The following COL5A3 variants were observed in gnomAD, a reference collection of about 807,000 sequenced individuals.
The protein encoded by COL5A3 is collagen alpha-3(V) chain.
Under a neutral mutation model 250.0 loss-of-function variants are expected in COL5A3, and 172 were observed. That is an observed-to-expected ratio of 0.69 (90% CI 0.61 to 0.78). The LOEUF (loss-of-function observed/expected upper bound fraction) is 0.78, where lower values mean the gene tolerates loss of function less well. COL5A3 is among the 30% of genes least tolerant of loss of function. The probability of loss-of-function intolerance (pLI) is 0.00; values close to 1 mark genes in which losing one functional copy is unlikely to be tolerated. For missense variants in COL5A3, 2,340 were observed against 2,334.4 expected (o/e 1.00, Z -0.05); for synonymous variants, 937 against 900.4 (o/e 1.04, Z -0.73).
At chr19:9,998,648 T>C (rs1317268560) in intron 8 of COL5A3, among the ~76,000 whole-genome samples, 2 of 152,048 alleles carry the variant, frequency 1.3e-5, no homozygotes, top group Non-Finnish European at 2.9e-5. Context: ...CCTAGGCTTT[T>C]CCTTTCTCCC....
At chr19:9,963,553 G>GT (rs34487347) in intron 64 of COL5A3, among the ~76,000 whole-genome samples, 9,720 of 65,874 alleles carry the variant, frequency 0.15, 1,080 homozygotes, top group African/African-American at 0.26. Context: ...CACCATGCCT[G>GT]TTTTTTTTGG....
chr19:9,986,413 CG>C lies in COL5A3; in HGVS notation c.2253del (p.Gly752GlufsTer63). The C allele has an allele frequency of 6.2e-7, 1 of 1,612,894 alleles. No homozygotes were observed. Among genetic ancestry groups the C allele is most frequent in the Non-Finnish European group, 8.5e-7 (1 of 1,179,884 alleles). ...TCCTCTCCCCGGGGACCTGGAGCTC[CG>C]GGTTTCCCCTGGAAGAAAAAGGAGA... is the stretch of plus-strand genomic sequence containing the variant. Reference protein sequence around the residue: ...DVGLKGDQGKPGAPGPRGEDG... With the variant: ...DVGLKGDQGKXGAPGPRGEDG... On this transcript the variant is annotated frameshift_variant, in exon 30 of 67. Transcript: ENST00000264828. LOFTEE classifies it high-confidence loss of function.
In COL5A3 at chr19:9,979,214, A is replaced by G. The variant is rs1353230108; in HGVS notation, c.2792T>C (p.Leu931Pro). 1.9e-6 allele frequency: 3 copies of G among 1,606,596 alleles called. No individual in the cohort carries two copies. The highest frequency in any genetic ancestry group is 1.7e-6 in the Non-Finnish European group (2 of 1,177,594). ...GGGGCCTGGAGGCCCCCTTTCACCT[A>G]GAGGTCCCACTTCTCCTGTCTTTCC... ...PQGKTGEVGP[L>P]GERGPPGPPG... is the part of the protein sequence containing the mutation. Residue 931 changes from leucine to proline, a missense_variant, in exon 39 of 67, where the codon CTA becomes CCA. By Grantham distance (98) the Leu-to-Pro change is moderately conservative (BLOSUM62 -3). Coordinates refer to ENST00000264828, the MANE Select transcript of COL5A3 (RefSeq NM_015719.4).
intron 54 of COL5A3, among the ~76,000 whole-genome samples, 179 bp downstream of exon 54, chr19:9,970,443 G>GA (rs138591668): frequency 8.0e-4 from 73 of 91,788 alleles, no homozygotes; most frequent in Middle Eastern, 5.7e-3. Context: ...GGGGTCTGTG[G>GA]GTGAGTGGGG....
At chr19:9,977,033 C>G (rs577917044) in intron 44 of COL5A3, among the ~76,000 whole-genome samples, 196 bp downstream of exon 44, 1 of 152,250 alleles carries the variant, frequency 6.6e-6, no homozygotes, top group African/African-American at 2.4e-5. Context: ...CCTATCCTGT[C>G]TGCAGTTGGG....
Position 9,973,612 on chromosome 19 carries a change from C to T in COL5A3, c.3624G>A (p.Gly1208=), listed in dbSNP as rs62638752. ...CTGGAGGCCCTGGGTCTCCAGCGTC[C>T]CCTCGCTCACCCTGCAGGAGGCAAA... ...PGAVGEKGER[G]DAGDPGPPGA... Residue 1208 remains glycine (G), a synonymous_variant, in exon 50 of 67, where the codon GGG becomes GGA. Transcript: ENST00000264828. 1.3e-3 allele frequency: 2,082 copies of T among 1,612,808 alleles called. 21 individuals are homozygous for T. The African/African-American group carries it at 0.024, about 19-fold the overall frequency.
rs764529392 is a variant in COL5A3 at position 10,005,671 on chromosome 19, G to A, written c.481C>T (p.Leu161=). Residue 161 remains leucine, a synonymous_variant, in exon 4 of 67, where the codon CTG becomes TTG. Transcript: ENST00000264828. The part of the protein sequence containing the change: ...AVSIDGEMVT[L]VADCEAQPPV... The stretch of plus-strand genomic sequence containing the variant: ...GGCTGAGCTTCACAGTCAGCTACCA[G>A]GGTCACCATCTCACCATCTATGCTG... 1 of 1,613,790 alleles carries A rather than the reference G, an allele frequency of 6.2e-7. No individual in the cohort carries two copies. Among genetic ancestry groups the A allele is most frequent in the South Asian group, 1.1e-5 (1 of 91,014 alleles).
chr19:9,998,144 A>C lies in COL5A3; in HGVS notation c.1116T>G (p.Ala372=), dbSNP rs750642805. The C allele has an allele frequency of 1.2e-6, 2 of 1,613,510 alleles. No homozygotes were observed. Among genetic ancestry groups the C allele is most frequent in the Non-Finnish European group, 1.7e-6 (2 of 1,179,774 alleles). ...GCTCTCCTTTTGCTCCTTTCTCTCC[A>C]GCACCCTGGGGTGGGGTCAGGGGAG... ...SRTQFQIFPG[A]GEKGAKGEPA... is the part of the protein sequence containing the mutation. The change falls in exon 9 of 67, where the codon GCT becomes GCG. Residue 372 remains alanine (A), a synonymous_variant. Transcript: ENST00000264828.
At chr19:9,977,564 C>T in intron 42 of COL5A3, 30 bp downstream of exon 42, 3 of 1,543,796 alleles carry the variant, frequency 1.9e-6, no homozygotes, top group Non-Finnish European at 2.6e-6. Flanking sequence ...CCTGAGGAGG[C>T]CCTAGGAATG....
intron 6 of COL5A3, among the ~76,000 whole-genome samples, 178 bp downstream of exon 6, chr19:10,003,387 G>A (rs2087391491): frequency 6.6e-6 from 1 of 151,634 alleles, no homozygotes; most frequent in Admixed American, 6.6e-5. Context: ...ACAGTCATCA[G>A]TCAGCTGAGA....
intron 45 of COL5A3, among the ~76,000 whole-genome samples, chr19:9,975,061 CT>C (rs5827078): frequency 0.2 from 24,761 of 126,690 alleles, 1,752 homozygotes; most frequent in South Asian, 0.27. Context: ...CTGTGCCTGG[CT>C]TTTTTTTTTT....
chr19:9,973,454 C>T lies in COL5A3; in HGVS notation c.3666+116G>A, dbSNP rs2086879863. Reference sequence around the variant, plus strand: ...TCCTCAAGGTAATCAGGGACGGCCACAGGACAGGGGTGAGTGGATGATCTT... The same window carrying T: ...TCCTCAAGGTAATCAGGGACGGCCATAGGACAGGGGTGAGTGGATGATCTT... On this transcript the variant is annotated intron_variant, in intron 50 of 66. Coordinates refer to ENST00000264828, the MANE Select transcript of COL5A3 (RefSeq NM_015719.4). The T allele has an allele frequency of 4.7e-6, 5 of 1,065,324 alleles. No homozygotes were observed. The East Asian group carries it at 1.2e-4, about 25-fold the overall frequency. 66.0% of individuals were successfully genotyped at this position (1,065,324 alleles called of 1,614,324 possible).
rs764621810 is a variant in COL5A3 at position 9,966,383 on chromosome 19, C to T, written c.4713G>A (p.Ser1571=). The T allele has an allele frequency of 6.2e-7, 1 of 1,609,540 alleles. No homozygotes were observed. The highest frequency in any genetic ancestry group is 8.5e-7 in the Non-Finnish European group (1 of 1,177,374). ...IDPNQGCARD[S]FRVFCNFTAG... ...CCGTGAAGTTGCAAAAAACCCTGAA[C>T]GAGTCCCGCGCGCAGCCCTGGTTGG... is the stretch of plus-strand genomic sequence containing the variant. The change falls in exon 64 of 67, where the codon TCG becomes TCA. Residue 1571 remains serine, a synonymous_variant. Transcript: ENST00000264828.
rs1030073198 is a variant in COL5A3, at chr19:10,009,931, G to A, written c.88+367C>T. Among the ~76,000 whole-genome samples, 1 of 151,980 alleles carries A rather than the reference G, an allele frequency of 6.6e-6. No homozygotes were observed. The highest frequency in any genetic ancestry group is 1.5e-5 in the Non-Finnish European group (1 of 68,000). ...ATACTCACCTGTCGCAATACACACC[G>A]TCCCAGCACTGCCCTGTCACTCACA... is the stretch of plus-strand genomic sequence containing the variant. On this transcript the variant is annotated intron_variant, in intron 1 of 66. Coordinates refer to ENST00000264828, the MANE Select transcript of COL5A3 (RefSeq NM_015719.4). The surrounding 1 kb of genome is among the most constrained non-coding windows in gnomAD (Gnocchi z 4.4).
Position 9,968,650 on chromosome 19 carries a change from GA to G in COL5A3, c.4206+24del. 1.9e-6 allele frequency: 3 copies of G among 1,607,422 alleles called. No individual in the cohort carries two copies. The highest frequency in any genetic ancestry group is 2.5e-6 in the Non-Finnish European group (3 of 1,176,742). ...GGGAAAGAGGGGAGGAGATGGGGAAGAGAATAATGGAATGATGTCCTTACCT... is the reference window on the plus strand; with the variant it reads ...GGGAAAGAGGGGAGGAGATGGGGAAGGAATAATGGAATGATGTCCTTACCT... On this transcript the variant is annotated intron_variant, in intron 58 of 66. Coordinates refer to ENST00000264828, the MANE Select transcript of COL5A3 (RefSeq NM_015719.4). The surrounding 1 kb of genome is among the most constrained non-coding windows in gnomAD (Gnocchi z 4.1).
chr19:9,979,511 C>G (rs981242009), intron 37 of COL5A3, 94 bp from the exon 38 acceptor site: 1 of 1,380,080 alleles, frequency 7.2e-7, no homozygotes, highest in African/African-American at 1.4e-5. Flanking sequence ...AGGAATCTGG[C>G]CGGTCCGGTG....
At chr19:9,988,117 A>G (rs1236534636) in intron 27 of COL5A3, among the ~76,000 whole-genome samples, 2 of 152,018 alleles carry the variant, frequency 1.3e-5, no homozygotes, top group African/African-American at 4.8e-5. Flanking sequence ...TGCCTGTAAT[A>G]CCACTACTCG....
chr19:9,995,750 C>A, intron 15 of COL5A3, 133 bp from the exon 16 acceptor site: 1 of 631,494 alleles, frequency 1.6e-6, no homozygotes, highest in East Asian at 2.9e-5. Context: ...AAGCAATACT[C>A]CCTCCTCAGC....
intron 61 of COL5A3, 97 bp downstream of exon 61, chr19:9,967,803 GAATA>G (rs2086775633): frequency 1.6e-5 from 20 of 1,227,810 alleles, no homozygotes; most frequent in Admixed American, 4.8e-5. Context: ...ACGATTGCAT[GAATA>G]AATAAATAAA....
Sources: gnomAD v4.1 joint callset for allele counts (sites outside exome capture counted in the v4.1 genomes callset) on GRCh38, gnomAD v4.1.1 for gene constraint, Gnocchi (gnomAD v3.1) non-coding constraint, MANE v1.5 for transcripts, NCBI Gene and HGNC (gene_info 2026-07-23, HGNC 2026-07-21) for gene names.